Variants in JMJD1C observed in about 807,000 individuals in gnomAD.
The protein encoded by JMJD1C is jumonji domain-containing protein 1C.
JMJD1C carries 31 observed loss-of-function variants against 245.3 expected under a neutral mutation model. The ratio of observed to expected loss-of-function variants is 0.13; its 90% CI spans 0.09 to 0.17. The LOEUF (loss-of-function observed/expected upper bound fraction) is 0.17, where lower values mean the gene tolerates loss of function less well. Among genes scored for constraint, JMJD1C ranks in the 10% least tolerant of loss-of-function variants. JMJD1C has a pLI of 1.00. For synonymous variants in JMJD1C, 1,057 were observed against 1,017.4 expected (o/e 1.04, Z -0.74); for missense variants, 2,691 against 3,000.2 (o/e 0.90, Z 2.41).
At chr10:63,250,386 AC>A (rs1364407723) in intron 3 of JMJD1C, among the ~76,000 whole-genome samples, 3 of 152,164 alleles carry the variant, frequency 2.0e-5, no homozygotes, top group Non-Finnish European at 4.4e-5. Flanking sequence ...AGGAAAAGAT[AC>A]CTTGGAAGTG....
chr10:63,415,653 C>A (rs1949756061), intron 1 of JMJD1C, among the ~76,000 whole-genome samples: 1 of 152,108 alleles, frequency 6.6e-6, no homozygotes, highest in South Asian at 2.1e-4. Context: ...AGAACTAATT[C>A]AGTATATAAA....
At chr10:63,196,231 G>GA (rs1168706205) in intron 13 of JMJD1C, among the ~76,000 whole-genome samples, 24 of 151,216 alleles carry the variant, frequency 1.6e-4, no homozygotes, top group African/African-American at 5.6e-4. Flanking sequence ...CAACAAGAGT[G>GA]AAACTCCGTC....
At chr10:63,384,092 T>A (rs951314936) in intron 1 of JMJD1C, among the ~76,000 whole-genome samples, 1 of 152,182 alleles carries the variant, frequency 6.6e-6, no homozygotes, top group African/African-American at 2.4e-5. Context: ...AACCATGTTC[T>A]TTGCCCATCC....
At chr10:63,510,118 T>G (rs1954831436) in intron 1 of JMJD1C, among the ~76,000 whole-genome samples, 1 of 151,848 alleles carries the variant, frequency 6.6e-6, no homozygotes, top group East Asian at 1.9e-4. Context: ...TTCTCCTGCC[T>G]CGGCACCCCC....
chr10:63,518,576 T>C (rs1955099829), intron 1 of JMJD1C, among the ~76,000 whole-genome samples: 1 of 152,230 alleles, frequency 6.6e-6, no homozygotes, highest in African/African-American at 2.4e-5. Flanking sequence ...CAATCTTCCT[T>C]CAATTCACAT....
At chr10:63,483,203 A>T (rs1953882638) in intron 1 of JMJD1C, among the ~76,000 whole-genome samples, 1 of 152,242 alleles carries the variant, frequency 6.6e-6, no homozygotes, top group Non-Finnish European at 1.5e-5. Context: ...TCCTCCATGA[A>T]AACCAATAGA....
intron 22 of JMJD1C, among the ~76,000 whole-genome samples, chr10:63,181,102 G>T (rs983645566): frequency 6.6e-6 from 1 of 152,116 alleles, no homozygotes; most frequent in Admixed American, 6.6e-5. Flanking sequence ...CTGACTTCAA[G>T]TGATCCACCC....
intron 3 of JMJD1C, among the ~76,000 whole-genome samples, chr10:63,242,443 C>G (rs969672951): frequency 6.6e-6 from 1 of 152,114 alleles, no homozygotes; most frequent in African/African-American, 2.4e-5. Flanking sequence ...AAAAGCAGGC[C>G]GGGCGTAGTG....
At chr10:63,278,345 GAATAAT>G (rs59676296) in intron 2 of JMJD1C, among the ~76,000 whole-genome samples, 25 of 142,956 alleles carry the variant, frequency 1.7e-4, no homozygotes, top group Middle Eastern at 3.6e-3. Flanking sequence ...AATTAAAAGA[GAATAAT>G]AATAATAATA....
At chr10:63,191,181 G>T in intron 16 of JMJD1C, 73 bp from the exon 17 acceptor site, 2 of 1,220,112 alleles carry the variant, frequency 1.6e-6, no homozygotes, top group Non-Finnish European at 2.4e-6. Flanking sequence ...GCCCAGGCTG[G>T]AGTGCAGTGG....
In JMJD1C at chr10:63,207,694, A is replaced by G; in HGVS notation, c.3975T>C (p.Ser1325=). The G allele has an allele frequency of 6.2e-7, 1 of 1,614,162 alleles. No homozygotes were observed. The highest frequency in any genetic ancestry group is 8.5e-7 in the Non-Finnish European group (1 of 1,180,008). The change falls in exon 10 of 26, where the codon TCT becomes TCC. Residue 1325 remains serine, a synonymous_variant. Coordinates refer to ENST00000399262, the MANE Select transcript of JMJD1C (RefSeq NM_032776.3). ...AAGATCTTTCACTAACACGATCTTT[A>G]GAAGCTAACTGCATTGCTGGCATAC... The part of the protein sequence containing the change: ...TDSMPAMQLA[S]KDRVSERSSA...
intron 1 of JMJD1C, among the ~76,000 whole-genome samples, chr10:63,390,630 T>C (rs1947979244): frequency 6.6e-6 from 1 of 151,968 alleles, no homozygotes; most frequent in Non-Finnish European, 1.5e-5. Context: ...TGAACATACA[T>C]ACAAAAATTC....
Position 63,284,900 on chromosome 10 carries a change from CACACACAT to C in JMJD1C, c.334-20144_334-20137del, listed in dbSNP as rs767374445. 6.0e-4 allele frequency among the ~76,000 whole-genome samples: 75 copies of C among 124,382 alleles called. No homozygotes were observed. In the East Asian group the frequency reaches 6.4e-3, roughly 11 times the overall value. The allele number at this position is 124,382 out of a possible 152,430, so 81.6% of individuals were successfully genotyped here. A position where few individuals can be genotyped will look rare whatever the true frequency, so the allele number is the denominator to read the frequency against. ...ACACACACACACACACACACACACACACACACATTCTCTCTACTCGCTGTCTCTCACAC... is the reference window on the plus strand; with the variant it reads ...ACACACACACACACACACACACACACTCTCTCTACTCGCTGTCTCTCACAC... On this transcript the variant is annotated intron_variant, in intron 2 of 25. Transcript: ENST00000399262.
intron 10 of JMJD1C, chr10:63,202,314 TTGTAAG>T: frequency 4.1e-6 from 4 of 985,104 alleles, no homozygotes; most frequent in Non-Finnish European, 4.8e-6. Context: ...TGGCTCTAAC[TTGTAAG>T]TGTCTTATTG....
chr10:63,455,904 T>C (rs556400689), intron 1 of JMJD1C, among the ~76,000 whole-genome samples: 8 of 152,266 alleles, frequency 5.3e-5, no homozygotes, highest in Admixed American at 1.3e-4. Context: ...ACAATTCTTA[T>C]TTTGCTCTTA....
intron 3 of JMJD1C, among the ~76,000 whole-genome samples, chr10:63,260,233 C>G (rs1031984944): frequency 6.6e-6 from 1 of 152,132 alleles, no homozygotes; most frequent in East Asian, 1.9e-4. Context: ...TTCTTTATTA[C>G]ATTTAAAAGC....
intron 2 of JMJD1C, among the ~76,000 whole-genome samples, chr10:63,270,944 C>T (rs1012374465): frequency 3.9e-5 from 6 of 152,072 alleles, no homozygotes; most frequent in Non-Finnish European, 5.9e-5. Context: ...TTTAGAGCAT[C>T]CAGCGAAAAT....
chr10:63,263,767 AT>A (rs1855106250), intron 3 of JMJD1C, among the ~76,000 whole-genome samples: 2 of 151,888 alleles, frequency 1.3e-5, no homozygotes, highest in African/African-American at 4.8e-5. Context: ...CCCCATCTCT[AT>A]TAAAAATACA....
Position 63,477,459 on chromosome 10 carries a change from C to A in JMJD1C, n.113+44279G>T, listed in dbSNP as rs1342141579. 2.0e-5 allele frequency among the ~76,000 whole-genome samples: 3 copies of A among 148,660 alleles called. No individual in the cohort carries two copies. The East Asian group carries it at 6.0e-4, about 30-fold the overall frequency. The stretch of plus-strand genomic sequence containing the variant: ...AGAAATAGACCCATACTTATATGGT[C>A]AATTGATTTTTCAATAAAGGTAAAA... On this transcript the variant is annotated intron_variant and non_coding_transcript_variant, in intron 1 of 3. Transcript: ENST00000633035.
Sources: allele counts gnomAD v4.1 joint callset (sites outside exome capture counted in the v4.1 genomes callset), GRCh38; gene constraint gnomAD v4.1.1; transcripts MANE v1.5; gene names NCBI Gene and HGNC (gene_info 2026-07-23, HGNC 2026-07-21).